LAMC1: variants seen among roughly 807,000 people sequenced by gnomAD.
LAMC1 encodes the protein laminin subunit gamma-1.
Under a neutral mutation model 173.6 loss-of-function variants are expected in LAMC1, and 38 were observed. The ratio of observed to expected loss-of-function variants is 0.22; its 90% confidence interval spans 0.17 to 0.29. The LOEUF is 0.29. LAMC1 is among the 10% of genes least tolerant of loss of function. The pLI is 1.00. For missense variants in LAMC1, 1,824 were observed against 2,051.8 expected, an observed-to-expected ratio of 0.89 and a Z score of 2.14; for synonymous variants, 746 against 749.1, an observed-to-expected ratio of 1.00 and a Z score of 0.07.
At chr1:183,111,943 G>A (rs1283371219) in intron 4 of LAMC1, among the ~76,000 whole-genome samples, 1 of 152,204 alleles carries the variant, frequency 6.6e-6, no homozygotes, top group African/African-American at 2.4e-5. Context: ...GGAAGCTGAG[G>A]CAGGAGAATT....
At position 183,122,200 on chromosome 1, in the gene LAMC1, G is replaced by A. The variant is rs760707432; in HGVS notation, c.2350G>A (p.Val784Ile). The A allele has an allele frequency of 8.7e-6, 14 of 1,614,170 alleles. No individual in the cohort carries two copies. In the East Asian group the frequency reaches 3.1e-4, roughly 36 times the overall value. Residue 784 changes from valine (V) to isoleucine (I), a missense_variant, in exon 13 of 28, where the codon GTT (valine) becomes ATT (isoleucine). Coordinates refer to ENST00000258341, the MANE Select transcript of LAMC1 (RefSeq NM_002293.4). Reference sequence around the variant, plus strand: ...TCCTGGAGGTTCAAGTTGTGCTGTTGTTCCCAAGACAAAGGAGGTGGTGTG... The same window carrying A: ...TCCTGGAGGTTCAAGTTGTGCTGTTATTCCCAAGACAAAGGAGGTGGTGTG... ...PCPGGSSCAVVPKTKEVVCTN... is the reference protein window; with the variant it reads ...PCPGGSSCAVIPKTKEVVCTN...
chr1:183,036,767 TTTTTG>T (rs754201393), intron 1 of LAMC1, among the ~76,000 whole-genome samples: 172 of 119,372 alleles, frequency 1.4e-3, no homozygotes, highest in Admixed American at 5.0e-3. Flanking sequence ...TTGTTTTCTT[TTTTTG>T]TTTTGTTTTG....
intron 1 of LAMC1, among the ~76,000 whole-genome samples, chr1:183,077,574 G>A (rs1320022719): frequency 2.0e-5 from 3 of 151,542 alleles, no homozygotes; most frequent in Non-Finnish European, 4.4e-5. Context: ...TTCCCATCAA[G>A]TCCTCAAAGT....
At chr1:183,137,848 T>A (rs1356042891) in intron 26 of LAMC1, 21 bp downstream of exon 26, 6 of 1,579,634 alleles carry the variant, frequency 3.8e-6, no homozygotes, top group Non-Finnish European at 5.2e-6. Flanking sequence ...TTGGTATATT[T>A]GCTCATTGGC....
At chr1:183,076,290 T>C (rs369739188) in intron 1 of LAMC1, among the ~76,000 whole-genome samples, 1 of 152,244 alleles carries the variant, frequency 6.6e-6, no homozygotes, top group African/African-American at 2.4e-5. Context: ...TTTATATTCA[T>C]GCTTTCAGCT....
rs1657172556 is a variant in LAMC1 at position 183,143,480 on chromosome 1, G to A, written c.*690G>A. The A allele has an allele frequency of 1.3e-5, 2 of 152,550 alleles. No individual in the cohort carries two copies. The highest frequency in any genetic ancestry group is 2.9e-5 in the Non-Finnish European group (2 of 68,034). The allele number at this position is 152,550 out of a possible 1,614,324, so 9.4% of individuals were successfully genotyped here. A position where few individuals can be genotyped will look rare whatever the true frequency, so the allele number is the denominator to read the frequency against. Reference sequence around the variant, plus strand: ...TTTCTAGTATATTAATAATTGACTAGGAAGATGAACTTTTTTTCAGATCTT... The same window carrying A: ...TTTCTAGTATATTAATAATTGACTAAGAAGATGAACTTTTTTTCAGATCTT... On this transcript the variant is annotated 3_prime_UTR_variant, in exon 28 of 28. Coordinates refer to ENST00000258341, the MANE Select transcript of LAMC1 (RefSeq NM_002293.4).
At chr1:183,044,203 A>T (rs956158215) in intron 1 of LAMC1, among the ~76,000 whole-genome samples, 4 of 152,076 alleles carry the variant, frequency 2.6e-5, no homozygotes, top group Non-Finnish European at 4.4e-5. Context: ...AGTCAAACTC[A>T]TTCTCTTTAT....
intron 1 of LAMC1, among the ~76,000 whole-genome samples, chr1:183,066,012 A>G (rs746380605): frequency 7.9e-5 from 12 of 152,224 alleles, no homozygotes; most frequent in Non-Finnish European, 1.2e-4. Flanking sequence ...AGTGACTGGC[A>G]TATAGTGGCA....
chr1:183,086,760 G>GTT (rs1655439918), intron 1 of LAMC1, among the ~76,000 whole-genome samples: 1 of 152,106 alleles, frequency 6.6e-6, no homozygotes, highest in African/African-American at 2.4e-5. Context: ...CATTGTAGAG[G>GTT]GTCAGAAAAT....
At chr1:183,059,038 G>A (rs539701545) in intron 1 of LAMC1, among the ~76,000 whole-genome samples, 2 of 152,328 alleles carry the variant, frequency 1.3e-5, no homozygotes, top group Non-Finnish European at 2.9e-5. Flanking sequence ...GACAGGCTCT[G>A]TTTTTGTTAT....
Position 183,128,697 on chromosome 1 carries a change from A to G in LAMC1, c.3227A>G (p.Lys1076Arg). 6.2e-7 allele frequency: 1 copy of G among 1,613,670 alleles called. No homozygotes were observed. Among genetic ancestry groups the G allele is most frequent in the Non-Finnish European group, 8.5e-7 (1 of 1,179,682 alleles). The change falls in exon 18 of 28, where the codon AAG (lysine) becomes AGG (arginine). Residue 1076 changes from lysine to arginine, a missense_variant. By Grantham distance (26) the Lys-to-Arg change is conservative. Transcript: ENST00000258341. Reference protein sequence around the residue: ...VTDQAFEDRLKEAEREVMDLL... With the variant: ...VTDQAFEDRLREAEREVMDLL... ...GATCAAGCCTTCGAGGATAGACTAA[A>G]GGAAGCAGAGAGGGAAGTTATGGAC...
chr1:183,075,735 A>G (rs542356788), intron 1 of LAMC1, among the ~76,000 whole-genome samples: 1 of 152,210 alleles, frequency 6.6e-6, no homozygotes, highest in Non-Finnish European at 1.5e-5. Context: ...TCTCAGAAAC[A>G]GGGAATTTAC....
At chr1:183,052,662 A>T (rs1234084267) in intron 1 of LAMC1, among the ~76,000 whole-genome samples, 1 of 151,674 alleles carries the variant, frequency 6.6e-6, no homozygotes, top group Non-Finnish European at 1.5e-5. Flanking sequence ...TTACATTTTC[A>T]TCTCTTTATC....
intron 22 of LAMC1, 40 bp downstream of exon 22, chr1:183,133,590 T>TC: frequency 1.9e-6 from 3 of 1,554,786 alleles, no homozygotes; most frequent in Non-Finnish European, 2.6e-6. Flanking sequence ...ACCCCGTCTC[T>TC]CCCCCAAGTC....
chr1:183,104,374 A>G (rs2102070275), intron 2 of LAMC1, among the ~76,000 whole-genome samples: 1 of 152,314 alleles, frequency 6.6e-6, no homozygotes, highest in East Asian at 1.9e-4. Context: ...TATTTCTGTG[A>G]ACTTTTCATA....
At chr1:183,067,979 G>A (rs1457055084) in intron 1 of LAMC1, among the ~76,000 whole-genome samples, 1 of 152,002 alleles carries the variant, frequency 6.6e-6, no homozygotes, top group African/African-American at 2.4e-5. Context: ...TGTTGGCTTC[G>A]GATAAATCTC....
Position 183,142,900 on chromosome 1 carries a change from G to A in LAMC1, c.*110G>A. The A allele has an allele frequency of 8.0e-6, 9 of 1,131,298 alleles. No individual in the cohort carries two copies. The highest frequency in any genetic ancestry group is 1.1e-5 in the Non-Finnish European group (9 of 796,488). 70.1% of individuals were successfully genotyped at this position (1,131,298 alleles called of 1,614,324 possible). On this transcript the variant is annotated 3_prime_UTR_variant, in exon 28 of 28. Transcript: ENST00000258341. ...TTCAGACCCCCACTCCTCTGCTGCT[G>A]TCCATGACTGTCCTTTTGAACCAGG...
intron 25 of LAMC1, among the ~76,000 whole-genome samples, chr1:183,137,082 C>T (rs1558061478): frequency 6.6e-6 from 1 of 152,112 alleles, no homozygotes; most frequent in Non-Finnish European, 1.5e-5. Flanking sequence ...TTGGCTTTCT[C>T]TTATTTCAAG....
At chr1:183,083,269 T>C (rs1358297808) in intron 1 of LAMC1, among the ~76,000 whole-genome samples, 1 of 151,908 alleles carries the variant, frequency 6.6e-6, no homozygotes, top group Non-Finnish European at 1.5e-5. Flanking sequence ...ATCTCAACTT[T>C]AAACTTTAAA....
Sources: allele counts gnomAD v4.1 joint callset (sites outside exome capture counted in the v4.1 genomes callset), GRCh38; gene constraint gnomAD v4.1.1; transcripts MANE v1.5; gene names NCBI Gene and HGNC (gene_info 2026-07-23, HGNC 2026-07-21).